Variants in NEDD4L observed in about 807,000 individuals in gnomAD.
NEDD4L encodes NEDD4 like E3 ubiquitin protein ligase.
A neutral mutation model predicts 148.9 loss-of-function variants in NEDD4L; 54 were observed. The observed-to-expected ratio is 0.36, with a 90% CI of 0.29 to 0.45. The LOEUF (loss-of-function observed/expected upper bound fraction) is 0.45, where lower values mean the gene tolerates loss of function less well. Among genes scored for constraint, NEDD4L ranks in the 20% least tolerant of loss-of-function variants. The probability of loss-of-function intolerance (pLI) is 1.00; values close to 1 mark genes in which losing one functional copy is unlikely to be tolerated. For synonymous variants in NEDD4L, 433 were observed against 440.7 expected (o/e 0.98, Z 0.22); for missense variants, 856 against 1,233.8 (o/e 0.69, Z 4.59).
At chr18:58,151,897 A>G (rs559529368) in intron 1 of NEDD4L, among the ~76,000 whole-genome samples, 1 of 152,098 alleles carries the variant, frequency 6.6e-6, no homozygotes, top group East Asian at 1.9e-4. Context: ...CAGGAAGGGA[A>G]TGTGATTATT....
intron 1 of NEDD4L, among the ~76,000 whole-genome samples, chr18:58,132,659 C>A: frequency 6.6e-6 from 1 of 152,176 alleles, no homozygotes; most frequent in Non-Finnish European, 1.5e-5. Flanking sequence ...TGATGCTTGG[C>A]AAATGGTAGG....
intron 2 of NEDD4L, among the ~76,000 whole-genome samples, chr18:58,228,744 CCCCTCCAAGGAAAG>C (rs2044686437): frequency 6.6e-6 from 1 of 152,090 alleles, no homozygotes; most frequent in Non-Finnish European, 1.5e-5. Context: ...GGGTGTGAGC[CCCCTCCAAGGAAAG>C]CTGCAGTGTG....
chr18:58,105,948 C>A (rs1296670828), intron 1 of NEDD4L, among the ~76,000 whole-genome samples: 2 of 152,160 alleles, frequency 1.3e-5, no homozygotes, highest in Non-Finnish European at 2.9e-5. Flanking sequence ...TAATGAGATT[C>A]CAGAAATTGT....
chr18:58,136,439 C>T (rs2032858798), intron 1 of NEDD4L, among the ~76,000 whole-genome samples: 1 of 152,120 alleles, frequency 6.6e-6, no homozygotes, highest in African/African-American at 2.4e-5. Flanking sequence ...TGGAGTAGAG[C>T]AAGAGTAACA....
At chr18:58,068,195 TTTTTTTTTTTTTG>T (rs1001666529) in intron 1 of NEDD4L, among the ~76,000 whole-genome samples, 3 of 121,918 alleles carry the variant, frequency 2.5e-5, no homozygotes, top group African/African-American at 8.7e-5. Context: ...GAATTCTTTT[TTTTTTTTTTTTTG>T]TTTTGTTTTG....
At position 58,400,607 on chromosome 18, in the gene NEDD4L, C is replaced by CCACTGAAAGCAACGCATGTTT. The variant is rs1422871200; in HGVS notation, c.*4341_*4361dup. 1 of 152,220 alleles carries CCACTGAAAGCAACGCATGTTT rather than the reference C, an allele frequency of 6.6e-6. No individual in the cohort carries two copies. Among genetic ancestry groups the CCACTGAAAGCAACGCATGTTT allele is most frequent in the African/African-American group, 2.4e-5 (1 of 41,450 alleles). The allele number at this position is 152,220 out of a possible 1,614,324, so 9.4% of individuals were successfully genotyped here. A position where few individuals can be genotyped will look rare whatever the true frequency, so the allele number is the denominator to read the frequency against. ...ACATCTGTTGTTTGTTAAAGATGTT[C>CCACTGAAAGCAACGCATGTTT]CACTGAAAGCAACGCATGTTTCAAA... On this transcript the variant is annotated 3_prime_UTR_variant, in exon 31 of 31. Transcript: ENST00000400345.
chr18:58,312,052 C>CTAAA (rs2057760785), intron 5 of NEDD4L, among the ~76,000 whole-genome samples: 1 of 152,202 alleles, frequency 6.6e-6, no homozygotes, highest in Non-Finnish European at 1.5e-5. Flanking sequence ...CGCACAAGCT[C>CTAAA]TAAAGGACAC....
At position 58,377,394 on chromosome 18, in the gene NEDD4L, C is replaced by CT. The variant is rs201445480; in HGVS notation, c.2352+4134dup. ...CAGCCTTCCACGGTGTTTCAACCTT[C>CT]TTTTTTTTTAATTTCACAGTTAGAA... On this transcript the variant is annotated intron_variant, in intron 24 of 30. Coordinates refer to ENST00000400345, the MANE Select transcript of NEDD4L (RefSeq NM_001144967.3). Among the ~76,000 whole-genome samples the CT allele has an allele frequency of 8.2e-3, 1,241 of 151,658 alleles. 17 individuals are homozygous for CT. Among genetic ancestry groups the CT allele is most frequent in the African/African-American group, 0.028 (1,161 of 41,348 alleles).
At chr18:58,182,509 CTTTTTT>C (rs568506761) in intron 2 of NEDD4L, among the ~76,000 whole-genome samples, 2 of 111,452 alleles carry the variant, frequency 1.8e-5, no homozygotes, top group African/African-American at 4.1e-5. Context: ...GCATTGATAC[CTTTTTT>C]TTTTTTTTTT....
intron 24 of NEDD4L, among the ~76,000 whole-genome samples, chr18:58,375,843 A>G (rs555651184): frequency 6.6e-6 from 1 of 152,338 alleles, no homozygotes; most frequent in East Asian, 1.9e-4. Flanking sequence ...TAAGTGTGAG[A>G]AAACAAAATC....
At chr18:58,329,227 T>G in intron 10 of NEDD4L, 100 bp downstream of exon 10, 1 of 1,335,012 alleles carries the variant, frequency 7.5e-7, no homozygotes, top group Non-Finnish European at 1.0e-6. Flanking sequence ...TAAACATTGT[T>G]GAGAATGTAA....
chr18:58,122,630 A>C (rs575390144), intron 1 of NEDD4L, among the ~76,000 whole-genome samples: 1 of 152,226 alleles, frequency 6.6e-6, no homozygotes, highest in African/African-American at 2.4e-5. Flanking sequence ...GTATTTAGAT[A>C]CTGCTGAGTT....
At chr18:58,326,596 T>C (rs967109099) in intron 9 of NEDD4L, among the ~76,000 whole-genome samples, 1 of 152,216 alleles carries the variant, frequency 6.6e-6, no homozygotes, top group Non-Finnish European at 1.5e-5. Flanking sequence ...TTGGTAGCAA[T>C]ATCCTAAGCA....
chr18:58,331,951 A>G (rs571367663), intron 11 of NEDD4L, among the ~76,000 whole-genome samples: 1 of 152,372 alleles, frequency 6.6e-6, no homozygotes, highest in South Asian at 2.1e-4. Context: ...GACTTTTTCA[A>G]AAAGAGATGT....
chr18:58,113,355 G>A (rs1337632244), intron 1 of NEDD4L, among the ~76,000 whole-genome samples: 1 of 152,244 alleles, frequency 6.6e-6, no homozygotes, highest in Non-Finnish European at 1.5e-5. Flanking sequence ...AATCAAGGCA[G>A]ATGTGATTAC....
At position 58,238,480 on chromosome 18, in the gene NEDD4L, A is replaced by G. The variant is rs567060566; in HGVS notation, c.123-6947A>G. ...ATAAAAACCATAAATGGAAAAATAA[A>G]CCATTCGTAAACATCATATAGAGAG... On this transcript the variant is annotated intron_variant, in intron 2 of 30. Transcript: ENST00000400345. Among the ~76,000 whole-genome samples the G allele has an allele frequency of 2.6e-5, 4 of 152,322 alleles. No individual in the cohort carries two copies. The East Asian group carries it at 7.7e-4, about 29-fold the overall frequency.
chr18:58,222,471 T>C (rs2043879454), intron 2 of NEDD4L, among the ~76,000 whole-genome samples: 1 of 152,160 alleles, frequency 6.6e-6, no homozygotes, highest in African/African-American at 2.4e-5. Context: ...TTCAACTGAG[T>C]TTTTCCCTCA....
intron 5 of NEDD4L, among the ~76,000 whole-genome samples, chr18:58,260,734 T>C (rs1568502103): frequency 6.6e-6 from 1 of 152,240 alleles, no homozygotes; most frequent in East Asian, 1.9e-4. Flanking sequence ...AGCAGTTTAA[T>C]GCTTCCTGTG....
chr18:58,390,853 A>G, intron 29 of NEDD4L, 111 bp downstream of exon 29: 1 of 749,170 alleles, frequency 1.3e-6, no homozygotes, highest in Non-Finnish European at 2.4e-6. Context: ...AAGTTTCAGG[A>G]CAGTGTGCCA....
Sources: allele counts gnomAD v4.1 joint callset (sites outside exome capture counted in the v4.1 genomes callset), GRCh38; gene constraint gnomAD v4.1.1; transcripts MANE v1.5; gene names NCBI Gene and HGNC (gene_info 2026-07-23, HGNC 2026-07-21).